Variants in METAP1 observed in about 807,000 individuals in gnomAD.
METAP1 encodes the protein methionyl aminopeptidase 1.
METAP1 carries 28 observed loss-of-function variants against 53.8 expected under a neutral mutation model. The observed-to-expected ratio is 0.52, with a 90% CI of 0.39 to 0.71. The LOEUF (loss-of-function observed/expected upper bound fraction) is 0.71. Among genes scored for constraint, METAP1 ranks in the 30% least tolerant of loss-of-function variants. The probability of loss-of-function intolerance (pLI) is 0.00; values close to 1 mark genes in which losing one functional copy is unlikely to be tolerated. For synonymous variants in METAP1, 181 were observed against 165.7 expected, an observed-to-expected ratio of 1.09 and a Z score of -0.71; for missense variants, 389 against 479.8, an observed-to-expected ratio of 0.81 and a Z score of 1.77.
chr4:99,017,606 G>A (rs182384787), intron 1 of METAP1, among the ~76,000 whole-genome samples: 1 of 152,358 alleles, frequency 6.6e-6, no homozygotes, highest in East Asian at 1.9e-4. Flanking sequence ...GAATCCGGCA[G>A]GGTCAAGTGA....
intron 3 of METAP1, 124 bp downstream of exon 3, chr4:99,034,466 T>C: frequency 1.5e-6 from 1 of 658,338 alleles, no homozygotes; most frequent in South Asian, 1.6e-5. Flanking sequence ...ACTCGAATTT[T>C]AGCTCTTGAG....
Position 99,046,660 on chromosome 4 carries a change from C to T in METAP1, c.787+1350C>T, listed in dbSNP as rs185839641. Among the ~76,000 whole-genome samples, 38 of 151,908 alleles carry T rather than the reference C, an allele frequency of 2.5e-4. No individual in the cohort carries two copies. In the East Asian group the frequency reaches 6.2e-3, roughly 25 times the overall value. On this transcript the variant is annotated intron_variant, in intron 8 of 10. Transcript: ENST00000296411. Reference sequence around the variant, plus strand: ...TCCAGTATTTTTATTGTTTTTAGTGCGTTCTTTAATGTGTATGGGAGATGA... The same window carrying T: ...TCCAGTATTTTTATTGTTTTTAGTGTGTTCTTTAATGTGTATGGGAGATGA...
intron 10 of METAP1, among the ~76,000 whole-genome samples, chr4:99,058,871 C>G (rs1320527353): frequency 2.0e-5 from 3 of 152,194 alleles, no homozygotes; most frequent in African/African-American, 7.2e-5. Flanking sequence ...CTCTATCTTG[C>G]CAACACCCAG....
rs562408027 is a variant in METAP1 at position 99,014,313 on chromosome 4, C to T, written c.115-14554C>T. On this transcript the variant is annotated intron_variant, in intron 1 of 10. Transcript: ENST00000296411. ...CTGGGGCTGTGTTATTTGGAATGAA[C>T]GTGCAGTATTGGGTCTTAATCATTA... 1.1e-4 allele frequency among the ~76,000 whole-genome samples: 17 copies of T among 152,262 alleles called. No individual in the cohort carries two copies. The South Asian group carries it at 2.3e-3, about 20-fold the overall frequency.
intron 8 of METAP1, 136 bp downstream of exon 8, chr4:99,045,446 C>T: frequency 4.7e-6 from 4 of 855,246 alleles, no homozygotes; most frequent in Admixed American, 3.2e-5. Flanking sequence ...TGGTTGTTAG[C>T]AGTAATGGGT....
At chr4:99,028,232 ACTT>A (rs1724718149) in intron 1 of METAP1, among the ~76,000 whole-genome samples, 1 of 152,142 alleles carries the variant, frequency 6.6e-6, no homozygotes, top group South Asian at 2.1e-4. Flanking sequence ...CCAGTTTGCC[ACTT>A]CTTACTAGTG....
At chr4:99,058,697 GTCTT>G (rs1297817592) in intron 10 of METAP1, among the ~76,000 whole-genome samples, 1 of 152,180 alleles carries the variant, frequency 6.6e-6, no homozygotes, top group Admixed American at 6.5e-5. Context: ...CTTCTATATT[GTCTT>G]TCTTAGAAGT....
intron 1 of METAP1, among the ~76,000 whole-genome samples, chr4:99,014,906 G>A (rs983083519): frequency 6.6e-6 from 1 of 152,198 alleles, no homozygotes; most frequent in Non-Finnish European, 1.5e-5. Context: ...GCTGTGAGAG[G>A]CATGAGGCAA....
chr4:99,051,929 A>G (rs1726744975), intron 9 of METAP1, among the ~76,000 whole-genome samples: 1 of 152,168 alleles, frequency 6.6e-6, no homozygotes, highest in South Asian at 2.1e-4. Context: ...TTGTTAGGTG[A>G]GAGTTTATTT....
chr4:98,999,137 A>G lies in METAP1; in HGVS notation c.114+3270A>G, dbSNP rs1722798335. 2.6e-5 allele frequency among the ~76,000 whole-genome samples: 4 copies of G among 152,034 alleles called. No individual in the cohort carries two copies. In the South Asian group the frequency reaches 8.3e-4, roughly 31 times the overall value. On this transcript the variant is annotated intron_variant, in intron 1 of 10. Coordinates refer to ENST00000296411, the MANE Select transcript of METAP1 (RefSeq NM_015143.3). ...TGTCTGTTTTTTAGTCGGAAGGTGA[A>G]CTTCATGAATGATCCTATCTTGTTC...
intron 1 of METAP1, chr4:99,023,711 G>T (rs1457444463): frequency 6.1e-6 from 6 of 985,300 alleles, no homozygotes; most frequent in Non-Finnish European, 6.0e-6. Context: ...ATGTTGTGAA[G>T]CCGTTGTAGT....
Position 99,042,577 on chromosome 4 carries a change from C to T in METAP1, c.517-672C>T, listed in dbSNP as rs114608576. 7.4e-3 allele frequency among the ~76,000 whole-genome samples: 1,118 copies of T among 151,960 alleles called. 16 individuals are homozygous for T. The highest frequency in any genetic ancestry group is 0.026 in the African/African-American group (1,074 of 41,464). Reference sequence around the variant, plus strand: ...ATTAAAATATCTGGAAGTACTTTACCGTTTCTTAATTATACTAGTAGTCAT... The same window carrying T: ...ATTAAAATATCTGGAAGTACTTTACTGTTTCTTAATTATACTAGTAGTCAT... On this transcript the variant is annotated intron_variant, in intron 6 of 10. Coordinates refer to ENST00000296411, the MANE Select transcript of METAP1 (RefSeq NM_015143.3).
At chr4:99,002,240 C>T (rs1348820473) in intron 1 of METAP1, among the ~76,000 whole-genome samples, 1 of 152,182 alleles carries the variant, frequency 6.6e-6, no homozygotes, top group Non-Finnish European at 1.5e-5. Flanking sequence ...ACGGTAACTC[C>T]TTCTGTAATT....
chr4:99,028,154 G>A (rs1724714522), intron 1 of METAP1, among the ~76,000 whole-genome samples: 1 of 152,080 alleles, frequency 6.6e-6, no homozygotes, highest in South Asian at 2.1e-4. Flanking sequence ...ATGTCTGTTT[G>A]AATTATTCTT....
Position 99,039,409 on chromosome 4 carries a change from T to A in METAP1, c.376T>A (p.Ser126Thr). The A allele has an allele frequency of 1.2e-6, 2 of 1,611,984 alleles. No homozygotes were observed. Among genetic ancestry groups the A allele is most frequent in the Non-Finnish European group, 1.7e-6 (2 of 1,178,600 alleles). Residue 126 changes from serine (S) to threonine (T), a missense_variant, in exon 5 of 11, where the codon TCT (serine) becomes ACT (threonine). Coordinates refer to ENST00000296411, the MANE Select transcript of METAP1 (RefSeq NM_015143.3). ...ATCTGAACAGGCTCTTAAAGGTACT[T>A]CTCAGATTAAATTACTCTCATCTGA... Reference protein sequence around the residue: ...SESEQALKGTSQIKLLSSEDI... With the variant: ...SESEQALKGTTQIKLLSSEDI...
At chr4:99,051,261 A>C (rs1209823284) in intron 9 of METAP1, among the ~76,000 whole-genome samples, 2 of 152,240 alleles carry the variant, frequency 1.3e-5, no homozygotes, top group Non-Finnish European at 2.9e-5. Context: ...GATTTTGGTC[A>C]GTGGTTATAG....
chr4:99,036,372 T>A (rs1313918186), intron 4 of METAP1, among the ~76,000 whole-genome samples: 2 of 152,110 alleles, frequency 1.3e-5, no homozygotes, highest in African/African-American at 2.4e-5. Flanking sequence ...ATGTATAATT[T>A]CATTATTTTT....
At chr4:99,003,076 CAAACAAACAAA>C (rs1722996642) in intron 1 of METAP1, among the ~76,000 whole-genome samples, 1 of 151,978 alleles carries the variant, frequency 6.6e-6, no homozygotes, top group African/African-American at 2.4e-5. Flanking sequence ...CAAAAACAAA[CAAACAAACAAA>C]AAACAACAAA....
chr4:99,061,403 T>A lies in METAP1; in HGVS notation c.*86T>A. On this transcript the variant is annotated 3_prime_UTR_variant, in exon 11 of 11. Transcript: ENST00000296411. The stretch of plus-strand genomic sequence containing the variant: ...ACAGAAAGGAAGAGGAACCTTTTTT[T>A]AATCACTTGTTTTGTTTTGACTATA... The A allele has an allele frequency of 7.9e-7, 1 of 1,269,990 alleles. No homozygotes were observed. Among genetic ancestry groups the A allele is most frequent in the South Asian group, 1.5e-5 (1 of 66,144 alleles). The allele number at this position is 1,269,990 out of a possible 1,614,324, so 78.7% of individuals were successfully genotyped here. A position where few individuals can be genotyped will look rare whatever the true frequency, so the allele number is the denominator to read the frequency against.
Sources: gnomAD v4.1 joint callset for allele counts (sites outside exome capture counted in the v4.1 genomes callset) on GRCh38, gnomAD v4.1.1 for gene constraint, MANE v1.5 for transcripts, NCBI Gene and HGNC (gene_info 2026-07-23, HGNC 2026-07-21) for gene names.